EPM2A: variants seen among roughly 807,000 people sequenced by gnomAD.
EPM2A encodes EPM2A glucan phosphatase, laforin.
EPM2A carries 21 observed loss-of-function variants against 26.5 expected under a neutral mutation model. That is an observed-to-expected ratio of 0.79 (90% CI 0.56 to 1.14). The LOEUF is 1.14. Ranked by LOEUF, EPM2A falls within the 50% of genes most tolerant of loss-of-function variation. The pLI is 0.00. For synonymous variants in EPM2A, 217 were observed against 177.6 expected, an observed-to-expected ratio of 1.22 and a Z score of -1.76; for missense variants, 458 against 440.8, an observed-to-expected ratio of 1.04 and a Z score of -0.35.
In EPM2A at chr6:145,625,472, A is replaced by T. The variant is rs1775738346; in HGVS notation, c.*1944T>A. On this transcript the variant is annotated 3_prime_UTR_variant, in exon 4 of 4. Coordinates refer to ENST00000367519, the MANE Select transcript of EPM2A (RefSeq NM_005670.4). ...ACAAAGGTAAAAATCCACCTGAAAAAAGATCTTTGTATCATGGAAATTATG... is the reference window on the plus strand; with the variant it reads ...ACAAAGGTAAAAATCCACCTGAAAATAGATCTTTGTATCATGGAAATTATG... 1.9e-6 allele frequency: 1 copy of T among 524,694 alleles called. No individual in the cohort carries two copies. The highest frequency in any genetic ancestry group is 3.4e-6 in the Non-Finnish European group (1 of 295,404). The allele number at this position is 524,694 out of a possible 1,614,324, so 32.5% of individuals were successfully genotyped here.
chr6:145,649,172 G>A (rs1777698344), intron 2 of EPM2A, among the ~76,000 whole-genome samples: 2 of 152,062 alleles, frequency 1.3e-5, no homozygotes, highest in African/African-American at 4.8e-5. Context: ...CATAGATTTC[G>A]AGATGTGACA....
intron 3 of EPM2A, among the ~76,000 whole-genome samples, chr6:145,632,855 A>G (rs1776367000): frequency 6.6e-6 from 1 of 152,196 alleles, no homozygotes; most frequent in Admixed American, 6.5e-5. Flanking sequence ...TAACCCTTAG[A>G]TTACACCCCC....
At chr6:145,488,520 T>TGA (rs1215856544) in intron 4 of EPM2A, among the ~76,000 whole-genome samples, 48 of 136,606 alleles carry the variant, frequency 3.5e-4, no homozygotes, top group East Asian at 6.3e-4. Context: ...TGTGTGTGTG[T>TGA]GTGAGAGAGA....
At chr6:145,640,863 T>A (rs1438143142) in intron 2 of EPM2A, 2 of 152,212 alleles carry the variant, frequency 1.3e-5, no homozygotes, top group African/African-American at 4.8e-5. Context: ...GCCAAACTTC[T>A]ACCCCAAAAG....
chr6:145,476,197 A>G (rs573992372), intron 4 of EPM2A, among the ~76,000 whole-genome samples: 1 of 152,262 alleles, frequency 6.6e-6, no homozygotes, highest in South Asian at 2.1e-4. Flanking sequence ...AGTTGACTAC[A>G]TAGGATAAAA....
At chr6:145,411,392 G>A (rs1441151557) in intron 4 of EPM2A, among the ~76,000 whole-genome samples, 1 of 152,112 alleles carries the variant, frequency 6.6e-6, no homozygotes, top group African/African-American at 2.4e-5. Flanking sequence ...TCATCATCAA[G>A]ATATATTTGC....
At chr6:145,672,069 T>C (rs1169575561) in intron 2 of EPM2A, among the ~76,000 whole-genome samples, 1 of 152,222 alleles carries the variant, frequency 6.6e-6, no homozygotes, top group Non-Finnish European at 1.5e-5. Context: ...GAGGGTGGTG[T>C]AGTTTGGTCC....
intron 4 of EPM2A, among the ~76,000 whole-genome samples, chr6:145,461,508 C>T (rs115690902): frequency 1.2e-3 from 177 of 152,212 alleles, no homozygotes; most frequent in African/African-American, 3.8e-3. Context: ...TGCATTCATA[C>T]ATAATATCTC....
At chr6:145,689,443 G>C (rs369420789) in intron 1 of EPM2A, among the ~76,000 whole-genome samples, 1 of 152,122 alleles carries the variant, frequency 6.6e-6, no homozygotes, top group Admixed American at 6.5e-5. Flanking sequence ...GAAAGACAAA[G>C]AGAAGAAGAC....
At chr6:145,657,756 T>G (rs1240498523) in intron 2 of EPM2A, among the ~76,000 whole-genome samples, 1 of 152,210 alleles carries the variant, frequency 6.6e-6, no homozygotes, top group Non-Finnish European at 1.5e-5. Context: ...CTGTTAAGAT[T>G]TTCAAGTTCA....
At chr6:145,678,680 C>T (rs1429752295) in intron 2 of EPM2A, among the ~76,000 whole-genome samples, 2 of 152,132 alleles carry the variant, frequency 1.3e-5, no homozygotes, top group African/African-American at 2.4e-5. Flanking sequence ...CAGAGAAATA[C>T]AAATCAAAAC....
At chr6:145,538,873 T>C (rs1312442220) in intron 2 of EPM2A, among the ~76,000 whole-genome samples, 1 of 152,198 alleles carries the variant, frequency 6.6e-6, no homozygotes, top group East Asian at 1.9e-4. Context: ...ACAGATGAAG[T>C]GTCTGAGACT....
chr6:145,682,851 A>G (rs934591673), intron 2 of EPM2A, among the ~76,000 whole-genome samples: 2 of 152,198 alleles, frequency 1.3e-5, no homozygotes, highest in Non-Finnish European at 2.9e-5. Flanking sequence ...CCTATATTCA[A>G]ACTAAAGAGT....
At chr6:145,671,148 C>A in intron 2 of EPM2A, 1 of 1,001,046 alleles carries the variant, frequency 1.0e-6, no homozygotes, top group Non-Finnish European at 1.2e-6. Flanking sequence ...TCTGTTTACT[C>A]CAAAAAAGAT....
chr6:145,435,075 C>G (rs766746852), intron 4 of EPM2A, among the ~76,000 whole-genome samples: 4 of 152,238 alleles, frequency 2.6e-5, no homozygotes, highest in Non-Finnish European at 5.9e-5. Flanking sequence ...GAAGCCAGGC[C>G]GATACTGGCC....
At chr6:145,409,113 C>T (rs904943389) in intron 4 of EPM2A, among the ~76,000 whole-genome samples, 1 of 151,980 alleles carries the variant, frequency 6.6e-6, no homozygotes, top group African/African-American at 2.4e-5. Flanking sequence ...AATTTCTAAG[C>T]AAAAGAAAGA....
At position 145,626,880 on chromosome 6, in the gene EPM2A, C is replaced by T. The variant is rs1248265443; in HGVS notation, c.*536G>A. 3 of 993,968 alleles carry T rather than the reference C, an allele frequency of 3.0e-6. No individual in the cohort carries two copies. Among genetic ancestry groups the T allele is most frequent in the Non-Finnish European group, 3.6e-6 (3 of 834,612 alleles). 61.6% of individuals were successfully genotyped at this position (993,968 alleles called of 1,614,324 possible). A position where few individuals can be genotyped will look rare whatever the true frequency, so the allele number is the denominator to read the frequency against. ...GGAACAGACTTTAACAACTGTGAGG[C>T]AGGATAAAAAACAAGTCCTGAAAGC... On this transcript the variant is annotated 3_prime_UTR_variant, in exon 4 of 4. Transcript: ENST00000367519.
At chr6:145,503,055 T>C (rs1008631602) in intron 2 of EPM2A, among the ~76,000 whole-genome samples, 1 of 152,252 alleles carries the variant, frequency 6.6e-6, no homozygotes, top group Non-Finnish European at 1.5e-5. Flanking sequence ...GCATAGCACA[T>C]AATTTATAAA....
chr6:145,688,042 A>T (rs1008801598), intron 1 of EPM2A, among the ~76,000 whole-genome samples: 2 of 152,204 alleles, frequency 1.3e-5, no homozygotes, highest in African/African-American at 4.8e-5. Flanking sequence ...TGTAAACCAT[A>T]TAAGTTTTTT....
Sources: gnomAD v4.1 joint callset for allele counts (sites outside exome capture counted in the v4.1 genomes callset) on GRCh38, gnomAD v4.1.1 for gene constraint, MANE v1.5 for transcripts, NCBI Gene and HGNC (gene_info 2026-07-23, HGNC 2026-07-21) for gene names.